CNTN6: variants seen among roughly 807,000 people sequenced by gnomAD.
The protein encoded by CNTN6 is contactin-6.
A neutral mutation model predicts 122.8 loss-of-function variants in CNTN6; 137 were observed. The ratio of observed to expected loss-of-function variants is 1.12; its 90% CI spans 0.97 to 1.29. The LOEUF is 1.29. CNTN6 is among the 50% of genes most tolerant of loss of function. The probability of loss-of-function intolerance (pLI) is 0.00; values close to 1 mark genes in which losing one functional copy is unlikely to be tolerated. For missense variants in CNTN6, 1,634 were observed against 1,223.4 expected, an observed-to-expected ratio of 1.34 and a Z score of -5.01; for synonymous variants, 570 against 426.0, an observed-to-expected ratio of 1.34 and a Z score of -4.16.
intron 3 of CNTN6, among the ~76,000 whole-genome samples, chr3:1,221,159 G>A (rs936021289): frequency 1.3e-5 from 2 of 151,692 alleles, no homozygotes. Flanking sequence ...GAGAGAGAGA[G>A]AGAAGAGAGA....
chr3:1,159,912 C>T (rs898899958), intron 2 of CNTN6, among the ~76,000 whole-genome samples: 11 of 151,968 alleles, frequency 7.2e-5, no homozygotes, highest in African/African-American at 2.7e-4. Context: ...CTTCTGCCTC[C>T]CAGGTTCAAG....
chr3:1,312,251 A>G (rs1346313998), intron 7 of CNTN6, among the ~76,000 whole-genome samples: 1 of 151,868 alleles, frequency 6.6e-6, no homozygotes, highest in Non-Finnish European at 1.5e-5. Context: ...AGGAGCATAG[A>G]GTGGATTGTT....
chr3:1,294,769 C>G (rs1029787926), intron 5 of CNTN6, among the ~76,000 whole-genome samples: 2 of 152,146 alleles, frequency 1.3e-5, no homozygotes, highest in African/African-American at 4.8e-5. Context: ...GAAGTCTTTT[C>G]TGATGACACA....
rs573469716 is a variant in CNTN6 at position 1,393,493 on chromosome 3, C to T, written c.2704+7696C>T. 4.9e-4 allele frequency among the ~76,000 whole-genome samples: 69 copies of T among 142,200 alleles called. No homozygotes were observed. The East Asian group carries it at 0.011, about 23-fold the overall frequency. The allele number at this position is 142,200 out of a possible 152,430, so 93.3% of individuals were successfully genotyped here. ...TAGTGGGTGCAGCGCACCAGCATGG[C>T]ACATGTATACATATGTAACTAACCT... On this transcript the variant is annotated intron_variant, in intron 20 of 22. Transcript: ENST00000446702.
chr3:1,098,977 C>T (rs1237004308), intron 1 of CNTN6, among the ~76,000 whole-genome samples: 1 of 150,826 alleles, frequency 6.6e-6, no homozygotes, highest in African/African-American at 2.4e-5. Flanking sequence ...TACGTTGTAA[C>T]TCTACCTAGT....
At chr3:1,353,617 C>G (rs952093153) in intron 12 of CNTN6, among the ~76,000 whole-genome samples, 1 of 151,534 alleles carries the variant, frequency 6.6e-6, no homozygotes, top group Non-Finnish European at 1.5e-5. Context: ...TATTTAGGAA[C>G]AGACTATTTC....
intron 2 of CNTN6, among the ~76,000 whole-genome samples, chr3:1,220,481 A>T (rs2094192257): frequency 6.6e-6 from 1 of 152,196 alleles, no homozygotes. Context: ...TTTGTTGGAA[A>T]TATAAACTAA....
chr3:1,388,449 C>T (rs1693523828), intron 20 of CNTN6, among the ~76,000 whole-genome samples: 1 of 151,498 alleles, frequency 6.6e-6, no homozygotes, highest in South Asian at 2.1e-4. Context: ...AGATAAAAAC[C>T]ACAAAGATGG....
At chr3:1,282,218 G>A (rs73111140) in intron 5 of CNTN6, among the ~76,000 whole-genome samples, 4,951 of 152,198 alleles carry the variant, frequency 0.033, 276 homozygotes, top group African/African-American at 0.11. Flanking sequence ...TTTCTTCTGC[G>A]TAAACGAAAG....
intron 2 of CNTN6, among the ~76,000 whole-genome samples, chr3:1,166,624 C>T (rs3821438): frequency 0.31 from 47,448 of 151,902 alleles, 8,032 homozygotes; most frequent in South Asian, 0.47. Context: ...GGCTAGGGAG[C>T]TCTTAAGCTG....
intron 11 of CNTN6, among the ~76,000 whole-genome samples, chr3:1,330,148 AT>A (rs1242057134): frequency 3.3e-5 from 5 of 151,912 alleles, no homozygotes; most frequent in Non-Finnish European, 7.4e-5. Context: ...TAGCTGCAAT[AT>A]TTTCAGTGCA....
At chr3:1,372,715 GA>G in intron 13 of CNTN6, 122 bp from the exon 14 acceptor site, 1 of 692,602 alleles carries the variant, frequency 1.4e-6, no homozygotes, top group African/African-American at 1.8e-5. Context: ...AAATGACAAT[GA>G]TACTAGTATA....
chr3:1,373,227 C>T (rs1238285772), intron 14 of CNTN6, among the ~76,000 whole-genome samples: 2 of 152,130 alleles, frequency 1.3e-5, no homozygotes, highest in Middle Eastern at 3.4e-3. Flanking sequence ...CTTAGACATA[C>T]CTTCTGTTTA....
chr3:1,276,122 G>C (rs1692306986), intron 4 of CNTN6, among the ~76,000 whole-genome samples: 1 of 152,158 alleles, frequency 6.6e-6, no homozygotes, highest in African/African-American at 2.4e-5. Flanking sequence ...GATAAAGACA[G>C]ATGTAAGTAA....
At chr3:1,374,286 C>T (rs1709549978) in intron 16 of CNTN6, among the ~76,000 whole-genome samples, 1 of 151,976 alleles carries the variant, frequency 6.6e-6, no homozygotes, top group Non-Finnish European at 1.5e-5. Flanking sequence ...ACCTTTAAGC[C>T]AACATGTCAA....
chr3:1,149,372 A>G (rs2092790618), intron 2 of CNTN6, among the ~76,000 whole-genome samples: 2 of 151,924 alleles, frequency 1.3e-5, no homozygotes, highest in South Asian at 4.1e-4. Context: ...CTTATAACAA[A>G]GCAGTAATAC....
chr3:1,142,295 G>A (rs909578502), intron 1 of CNTN6, among the ~76,000 whole-genome samples: 1 of 151,658 alleles, frequency 6.6e-6, no homozygotes, highest in African/African-American at 2.4e-5. Context: ...TTAGCACTGT[G>A]TATAACCTCA....
intron 12 of CNTN6, among the ~76,000 whole-genome samples, chr3:1,354,825 GA>G (rs1457734463): frequency 6.6e-6 from 1 of 151,360 alleles, no homozygotes; most frequent in Non-Finnish European, 1.5e-5. Context: ...GAACATCAAA[GA>G]AAAAAACCAA....
At chr3:1,105,698 T>C (rs986876183) in intron 1 of CNTN6, among the ~76,000 whole-genome samples, 2 of 152,180 alleles carry the variant, frequency 1.3e-5, no homozygotes, top group African/African-American at 4.8e-5. Context: ...ATTGCACATC[T>C]GGTCATAAGC....
Sources: allele counts gnomAD v4.1 joint callset (sites outside exome capture counted in the v4.1 genomes callset), GRCh38; gene constraint gnomAD v4.1.1; transcripts MANE v1.5; gene names NCBI Gene and HGNC (gene_info 2026-07-23, HGNC 2026-07-21).